SLC22A24: variants seen among roughly 807,000 people sequenced by gnomAD.
SLC22A24 encodes the protein solute carrier family 22 member 24.
A neutral mutation model predicts 49.8 loss-of-function variants in SLC22A24; 53 were observed. The ratio of observed to expected loss-of-function variants is 1.06; its 90% CI spans 0.85 to 1.34. The LOEUF is 1.34. SLC22A24 is among the 40% of genes most tolerant of loss of function. SLC22A24 has a pLI of 0.00. For missense variants in SLC22A24, 786 were observed against 675.9 expected (o/e 1.16, Z -1.81); for synonymous variants, 302 against 256.4 (o/e 1.18, Z -1.70).
intron 2 of SLC22A24, 116 bp from the exon 3 acceptor site, chr11:63,119,451 G>GTCAAGCACCATGTTC: frequency 2.0e-6 from 2 of 980,590 alleles, no homozygotes; most frequent in Non-Finnish European, 3.0e-6. Flanking sequence ...GGAACATGGT[G>GTCAAGCACCATGTTC]CTTGACACCG....
chr11:63,086,909 T>G (rs964766003), intron 6 of SLC22A24, among the ~76,000 whole-genome samples: 1 of 152,064 alleles, frequency 6.6e-6, no homozygotes, highest in African/African-American at 2.4e-5. Flanking sequence ...AAATATGGGA[T>G]GTAGGTTTGG....
chr11:63,082,274 T>C (rs116297965), intron 7 of SLC22A24, among the ~76,000 whole-genome samples: 1,932 of 152,204 alleles, frequency 0.013, 41 homozygotes, highest in African/African-American at 0.045. Context: ...AACCTAACAT[T>C]ATAAAACCTA....
chr11:63,111,164 T>A (rs2087160946), intron 4 of SLC22A24, among the ~76,000 whole-genome samples: 1 of 152,078 alleles, frequency 6.6e-6, no homozygotes, highest in Non-Finnish European at 1.5e-5. Flanking sequence ...TTGATTTGTG[T>A]ATGTTGAACC....
Position 63,081,066 on chromosome 11 carries a change from A to G in SLC22A24, c.1452T>C (p.Pro484=). Reference sequence around the variant, plus strand: ...AATACGCCATTAAGGTCATCAACAGAGGAGCCAGTGCTGCCCCAGTCCTAC... The same window carrying G: ...AATACGCCATTAAGGTCATCAACAGGGGAGCCAGTGCTGCCCCAGTCCTAC... ...VSGRTGAALA[P]LLMTLMAYSP... The change falls in exon 9 of 10, where the codon CCT becomes CCC. Residue 484 remains proline (P), a synonymous_variant. Transcript: ENST00000612278. 6.4e-7 allele frequency: 1 copy of G among 1,551,692 alleles called. No individual in the cohort carries two copies. Among genetic ancestry groups the G allele is most frequent in the African/African-American group, 1.4e-5 (1 of 73,190 alleles).
At chr11:63,088,739 T>C (rs2135194848) in intron 6 of SLC22A24, among the ~76,000 whole-genome samples, 1 of 152,086 alleles carries the variant, frequency 6.6e-6, no homozygotes, top group Non-Finnish European at 1.5e-5. Context: ...ATAAATTACC[T>C]GATGGAGCTG....
intron 1 of SLC22A24, among the ~76,000 whole-genome samples, chr11:63,139,274 C>T (rs1194073673): frequency 6.6e-6 from 1 of 152,136 alleles, no homozygotes; most frequent in African/African-American, 2.4e-5. Context: ...GAAGGTGCCA[C>T]AGACACCGTT....
chr11:63,083,425 A>G lies in SLC22A24; in HGVS notation c.1103T>C (p.Ile368Thr). 2 of 1,551,498 alleles carry G rather than the reference A, an allele frequency of 1.3e-6. No individual in the cohort carries two copies. The highest frequency in any genetic ancestry group is 1.7e-6 in the Non-Finnish European group (2 of 1,146,834). The part of the protein sequence containing the change: ...FAITVPFYGL[I>T]LNLQHLGSNV... ...GCTCCCTAAGTGCTGCAAGTTGAGTATCAGGCCATAAAAGGGTACAGTGAT... is the reference window on the plus strand; with the variant it reads ...GCTCCCTAAGTGCTGCAAGTTGAGTGTCAGGCCATAAAAGGGTACAGTGAT... The change falls in exon 7 of 10, where the codon ATA becomes ACA. Residue 368 changes from isoleucine to threonine, a missense_variant. Coordinates refer to ENST00000612278, the MANE Select transcript of SLC22A24 (RefSeq NM_001136506.2).
At chr11:63,133,058 G>T (rs1468642586) in intron 2 of SLC22A24, among the ~76,000 whole-genome samples, 1 of 152,156 alleles carries the variant, frequency 6.6e-6, no homozygotes, top group Non-Finnish European at 1.5e-5. Context: ...AGTATCGCAG[G>T]TCGATCTCAG....
At chr11:63,095,146 A>G (rs1442073574) in intron 6 of SLC22A24, among the ~76,000 whole-genome samples, 1 of 152,118 alleles carries the variant, frequency 6.6e-6, no homozygotes, top group African/African-American at 2.4e-5. Flanking sequence ...TCCATCTTGA[A>G]TTAATTTTTG....
Position 63,143,459 on chromosome 11 carries a change from G to T in SLC22A24, c.321C>A (p.Asn107Lys). The change falls in exon 1 of 10, where the codon AAC becomes AAA. Residue 107 changes from asparagine (N) to lysine (K), a missense_variant. Coordinates refer to ENST00000612278, the MANE Select transcript of SLC22A24 (RefSeq NM_001136506.2). Reference protein sequence around the residue: ...QLLHLNGTFPNTNEPDTEPCV... With the variant: ...QLLHLNGTFPKTNEPDTEPCV... Reference sequence around the variant, plus strand: ...AGGGCTCCGTGTCTGGCTCATTTGTGTTGGGGAAGGTCCCGTTCAGGTGAA... The same window carrying T: ...AGGGCTCCGTGTCTGGCTCATTTGTTTTGGGGAAGGTCCCGTTCAGGTGAA... The T allele has an allele frequency of 6.3e-7, 1 of 1,591,156 alleles. No individual in the cohort carries two copies. The highest frequency in any genetic ancestry group is 8.6e-7 in the Non-Finnish European group (1 of 1,169,442).
chr11:63,122,345 C>T (rs2087257909), intron 2 of SLC22A24, among the ~76,000 whole-genome samples: 1 of 152,046 alleles, frequency 6.6e-6, no homozygotes, highest in Non-Finnish European at 1.5e-5. Context: ...AGATGGGTGC[C>T]CTGTAGACTC....
intron 7 of SLC22A24, 90 bp from the exon 8 acceptor site, chr11:63,081,756 G>T (rs1179409396): frequency 3.4e-6 from 3 of 874,520 alleles, no homozygotes; most frequent in Non-Finnish European, 5.6e-6. Flanking sequence ...GGAGGAATTT[G>T]CAAGTGTGAA....
intron 2 of SLC22A24, among the ~76,000 whole-genome samples, chr11:63,121,679 G>T (rs973817165): frequency 6.6e-6 from 1 of 151,336 alleles, no homozygotes; most frequent in Non-Finnish European, 1.5e-5. Context: ...GGGTACATGT[G>T]CACAATGTGC....
In SLC22A24 at chr11:63,119,273, G is replaced by A. The variant is rs556582100; in HGVS notation, c.569C>T (p.Ala190Val). The change falls in exon 3 of 10, where the codon GCG becomes GTG. Residue 190 changes from alanine (A) to valine (V), a missense_variant. Coordinates refer to ENST00000612278, the MANE Select transcript of SLC22A24 (RefSeq NM_001136506.2). Reference sequence around the variant, plus strand: ...AACAAGGAAGGTGGGAGCGAAGGCCGCACAGGTGTTAGAGATGGCCAGCTG... The same window carrying A: ...AACAAGGAAGGTGGGAGCGAAGGCCACACAGGTGTTAGAGATGGCCAGCTG... ...FLQLAISNTC[A>V]AFAPTFLVYC... 51 of 1,551,212 alleles carry A rather than the reference G, an allele frequency of 3.3e-5. No individual in the cohort carries two copies. Among genetic ancestry groups the A allele is most frequent in the Admixed American group, 2.0e-4 (10 of 50,896 alleles).
In SLC22A24 at chr11:63,084,091, A is replaced by G. The variant is rs114250857; in HGVS notation, c.1071-634T>C. On this transcript the variant is annotated intron_variant, in intron 6 of 9. Coordinates refer to ENST00000612278, the MANE Select transcript of SLC22A24 (RefSeq NM_001136506.2). ...TCTTACCATATCAACCACCAAGGTC[A>G]GCTTGAACTACAGAAACAGAGAATC... 2.7e-3 allele frequency among the ~76,000 whole-genome samples: 407 copies of G among 152,298 alleles called. 3 individuals carry two copies. The highest frequency in any genetic ancestry group is 9.3e-3 in the African/African-American group (387 of 41,566).
At chr11:63,090,382 C>T (rs2087012814) in intron 6 of SLC22A24, among the ~76,000 whole-genome samples, 1 of 152,068 alleles carries the variant, frequency 6.6e-6, no homozygotes, top group Admixed American at 6.6e-5. Context: ...CTACAGAACT[C>T]TCCACCCCAA....
intron 6 of SLC22A24, among the ~76,000 whole-genome samples, chr11:63,090,984 T>G (rs2087017024): frequency 1.3e-5 from 2 of 151,574 alleles, no homozygotes; most frequent in African/African-American, 4.8e-5. Flanking sequence ...AAATAATCAA[T>G]GAATCCAGGA....
chr11:63,098,561 G>A (rs1211231854), intron 5 of SLC22A24, among the ~76,000 whole-genome samples: 2 of 152,076 alleles, frequency 1.3e-5, no homozygotes, highest in Non-Finnish European at 2.9e-5. Context: ...TACTTGGGTG[G>A]CTGAGGGAGG....
rs147334840 is a variant in SLC22A24 at position 63,135,954 on chromosome 11, A to G, written c.403-1186T>C. On this transcript the variant is annotated intron_variant, in intron 1 of 9. Transcript: ENST00000612278. The stretch of plus-strand genomic sequence containing the variant: ...AATCATCGAAGCTGATCCTCTTACA[A>G]CTACGCAAGAAGTTGCCAAAGAACT... 3.4e-3 allele frequency among the ~76,000 whole-genome samples: 521 copies of G among 152,352 alleles called. 5 individuals are homozygous for G. Among genetic ancestry groups the G allele is most frequent in the African/African-American group, 0.012 (500 of 41,584 alleles).
Sources: gnomAD v4.1 joint callset for allele counts (sites outside exome capture counted in the v4.1 genomes callset) on GRCh38, gnomAD v4.1.1 for gene constraint, MANE v1.5 for transcripts, NCBI Gene and HGNC (gene_info 2026-07-23, HGNC 2026-07-21) for gene names.